Variants in C3 observed in about 807,000 individuals in gnomAD.
C3 encodes C3 and PZP-like alpha-2-macroglobulin domain-containing protein 1.
In C3, 97 loss-of-function variants were observed where a neutral mutation model predicts 207.9. That is an observed-to-expected ratio of 0.47 (90% CI 0.40 to 0.55). The LOEUF (loss-of-function observed/expected upper bound fraction) is 0.55. Ranked by LOEUF, C3 falls within the 20% of genes least tolerant of loss-of-function variation. The pLI is 0.00. For synonymous variants in C3, 848 were observed against 857.6 expected, an observed-to-expected ratio of 0.99 and a Z score of 0.20; for missense variants, 1,684 against 2,171.7, an observed-to-expected ratio of 0.78 and a Z score of 4.46.
Position 6,682,221 on chromosome 19 carries a change from C to T in C3, c.4181G>A (p.Gly1394Glu). The T allele has an allele frequency of 1.2e-6, 2 of 1,613,298 alleles. No homozygotes were observed. The highest frequency in any genetic ancestry group is 1.7e-6 in the Non-Finnish European group (2 of 1,179,198). Residue 1394 changes from glycine to glutamate, a missense_variant, in exon 34 of 41, where the codon GGA (glycine) becomes GAA (glutamate). Coordinates refer to ENST00000245907, the MANE Select transcript of C3 (RefSeq NM_000064.4). ...MILEICTRYR[G>E]DQDATMSILD... Reference sequence around the variant, plus strand: ...TATAGACATAGTGGCATCCTGGTCTCCCCGGTACCTGGATAGTGCAGAAAG... The same window carrying T: ...TATAGACATAGTGGCATCCTGGTCTTCCCGGTACCTGGATAGTGCAGAAAG...
Position 6,713,360 on chromosome 19 carries a change from GT to G in C3, c.876+46del, listed in dbSNP as rs780539153. 5.6e-6 allele frequency: 9 copies of G among 1,613,840 alleles called. No individual in the cohort carries two copies. The South Asian group carries it at 8.8e-5, about 16-fold the overall frequency. On this transcript the variant is annotated intron_variant, in intron 8 of 40. Transcript: ENST00000245907. ...CTCAGAGAGGGGAGCGGGCTCAGAG[GT>G]GGCGGGGACTGGGGCAGGGATCAAA...
chr19:6,682,190 G>A lies in C3; in HGVS notation c.4212C>T (p.Asp1404=). The A allele has an allele frequency of 6.2e-7, 1 of 1,614,032 alleles. No individual in the cohort carries two copies. The highest frequency in any genetic ancestry group is 1.1e-5 in the South Asian group (1 of 91,086). Residue 1404 remains aspartate, a synonymous_variant, in exon 34 of 41, where the codon GAC becomes GAT. Transcript: ENST00000245907. ...GDQDATMSIL[D]ISMMTGFAPD... ...GAGCAAAGCCAGTCATCATGGATAT[G>A]TCCAATATAGACATAGTGGCATCCT...
chr19:6,714,073 C>T lies in C3; in HGVS notation c.692G>A (p.Ser231Asn), dbSNP rs1397744538. Residue 231 changes from serine (S) to asparagine (N), a missense_variant, in exon 7 of 41, where the codon AGT becomes AAT. Ser to Asn is a conservative substitution (Grantham distance 46). Around this residue, in one of 3 missense-constraint regions of C3, gnomAD observed 1,280 missense variants for 1,739.1 expected, o/e 0.74. Coordinates refer to ENST00000245907, the MANE Select transcript of C3 (RefSeq NM_000064.4). Reference protein sequence around the residue: ...EFEVKEYVLPSFEVIVEPTEK... With the variant: ...EFEVKEYVLPNFEVIVEPTEK... ...TGTAGGCTCCACTATGACCTCGAAACTGGGCAGCACTGGGGGAGAGATGGC... is the reference window on the plus strand; with the variant it reads ...TGTAGGCTCCACTATGACCTCGAAATTGGGCAGCACTGGGGGAGAGATGGC... 2.5e-6 allele frequency: 4 copies of T among 1,612,668 alleles called. No homozygotes were observed. In the East Asian group the frequency reaches 8.9e-5, roughly 36 times the overall value.
Position 6,714,361 on chromosome 19 carries a change from TC to T in C3, c.589del (p.Glu197AsnfsTer28). ...GVLPLSWDIP[E>X]LVNMGQWKIR... ...CAAGAACCTGACATACTTGACGAGT[TC>T]CGGAATGTCCCAAGACAAGGGCAAG... On this transcript the variant is annotated frameshift_variant, in exon 5 of 41. Transcript: ENST00000245907. LOFTEE classifies it high-confidence loss of function. 6.2e-7 allele frequency: 1 copy of T among 1,613,732 alleles called. No homozygotes were observed. The highest frequency in any genetic ancestry group is 1.1e-5 in the South Asian group (1 of 91,080).
At chr19:6,682,719 C>T in intron 33 of C3, 1 of 197,144 alleles carries the variant, frequency 5.1e-6, no homozygotes, top group Admixed American at 5.3e-5. Context: ...GGGCCAATTA[C>T]TGTCACTCCT....
At chr19:6,715,905 G>T (rs1968024582) in intron 4 of C3, among the ~76,000 whole-genome samples, 1 of 152,100 alleles carries the variant, frequency 6.6e-6, no homozygotes, top group Non-Finnish European at 1.5e-5. Flanking sequence ...GATTATAGGA[G>T]TGAGCCACTG....
In C3 at chr19:6,711,067, G is replaced by A. The variant is rs1191653959; in HGVS notation, c.1399C>T (p.Pro467Ser). 3 of 1,614,176 alleles carry A rather than the reference G, an allele frequency of 1.9e-6. No individual in the cohort carries two copies. The highest frequency in any genetic ancestry group is 1.7e-5 in the Admixed American group (1 of 60,022). Residue 467 changes from proline to serine, a missense_variant, in exon 12 of 41, where the codon CCC becomes TCC. Around this residue, in one of 3 missense-constraint regions of C3, gnomAD observed 1,280 missense variants for 1,739.1 expected, o/e 0.74. Coordinates refer to ENST00000245907, the MANE Select transcript of C3 (RefSeq NM_000064.4). ...HLSVLRTELR[P>S]GETLNVNFLL... ...AAGTTGACGTTGAGGGTCTCCCCGG[G>A]TCTGAGCTCTGTACGTAGCACTGAG... is the stretch of plus-strand genomic sequence containing the variant.
chr19:6,709,611 T>TGCCCCCCCCCCC, intron 14 of C3, 73 bp downstream of exon 14: 9 of 1,109,444 alleles, frequency 8.1e-6, no homozygotes, highest in East Asian at 5.1e-5. Context: ...CCCTCTCCAG[T>TGCCCCCCCCCCC]CCCACCCACC....
chr19:6,713,935 T>A, intron 7 of C3, 57 bp downstream of exon 7: 22 of 698,768 alleles, frequency 3.1e-5, no homozygotes, highest in Non-Finnish European at 3.7e-5. Context: ...GTCCCCCACC[T>A]GGTCTTCACC....
intron 16 of C3, 62 bp downstream of exon 16, chr19:6,707,403 CG>C: frequency 6.2e-7 from 1 of 1,604,670 alleles, no homozygotes; most frequent in East Asian, 2.2e-5. Flanking sequence ...GGCTCCTGCA[CG>C]GCCGGGCTGG....
At chr19:6,679,568 A>G (rs1483591278) in intron 36 of C3, 72 bp from the exon 37 acceptor site, 1 of 1,019,016 alleles carries the variant, frequency 9.8e-7, no homozygotes, top group East Asian at 2.4e-5. Flanking sequence ...GGAGGCCCAG[A>G]TCCCCAGTTC....
Position 6,690,704 on chromosome 19 carries a change from C to T in C3, c.3414G>A (p.Glu1138=), listed in dbSNP as rs755415878. 15 of 1,614,240 alleles carry T rather than the reference C, an allele frequency of 9.3e-6. No homozygotes were observed. Among genetic ancestry groups the T allele is most frequent in the African/African-American group, 1.3e-5 (1 of 75,072 alleles). ...EMIGGLRNNN[E]KDMALTAFVL... ...CAAAGGCCGTGAGGGCCATGTCTTT[C>T]TCGTTGTTGTTCCGTAATCCACCCT... Residue 1138 remains glutamate, a synonymous_variant, in exon 27 of 41, where the codon GAG becomes GAA. Transcript: ENST00000245907.
Position 6,689,340 on chromosome 19 carries a change from C to CT in C3, c.3489+1288_3489+1289insA, listed in dbSNP as rs1568213476. ...CTCTCTCTACCTACCTCCCTCCCTC[C>CT]CTCCCTCCCTCCCTCCCTCCCTCTC... is the stretch of plus-strand genomic sequence containing the variant. On this transcript the variant is annotated intron_variant, in intron 27 of 40. Transcript: ENST00000245907. Among the ~76,000 whole-genome samples the CT allele has an allele frequency of 5.9e-4, 30 of 50,752 alleles. 3 individuals are homozygous for CT. The highest frequency in any genetic ancestry group is 3.0e-3 in the African/African-American group (29 of 9,624). The allele number at this position is 50,752 out of a possible 152,430, so 33.3% of individuals were successfully genotyped here.
intron 25 of C3, 130 bp from the exon 26 acceptor site, chr19:6,693,213 G>A: frequency 8.3e-7 from 1 of 1,209,418 alleles, no homozygotes; most frequent in Non-Finnish European, 1.2e-6. Context: ...CAGGCCCCAG[G>A]ACCCAGCTGT....
chr19:6,686,465 C>CT, intron 28 of C3, 178 bp from the exon 29 acceptor site: 1 of 734,622 alleles, frequency 1.4e-6, no homozygotes, highest in Non-Finnish European at 2.4e-6. Flanking sequence ...TCAACTCTCA[C>CT]TTCTCCCTTT....
Position 6,692,779 on chromosome 19 carries a change from A to T in C3, c.3390+145T>A, listed in dbSNP as rs438703. The T allele has an allele frequency of 0.14, 137,907 of 993,856 alleles. 10,923 individuals are homozygous for T. Among genetic ancestry groups the T allele is most frequent in the African/African-American group, 0.3 (18,623 of 62,794 alleles). The allele number at this position is 993,856 out of a possible 1,614,324, so 61.6% of individuals were successfully genotyped here. A position where few individuals can be genotyped will look rare whatever the true frequency, so the allele number is the denominator to read the frequency against. The stretch of plus-strand genomic sequence containing the variant: ...TGCTGGAGTGACGCCTCTGGCTCAT[A>T]TATCTGCCTGCCCCCACCCCCCAGC... On this transcript the variant is annotated intron_variant, in intron 26 of 40. Coordinates refer to ENST00000245907, the MANE Select transcript of C3 (RefSeq NM_000064.4).
intron 4 of C3, among the ~76,000 whole-genome samples, chr19:6,715,487 TAATGAATG>T (rs563764188): frequency 2.0e-5 from 3 of 151,642 alleles, no homozygotes; most frequent in Non-Finnish European, 1.5e-5. Context: ...AAAATAATAA[TAATGAATG>T]AATGAATGAA....
intron 27 of C3, among the ~76,000 whole-genome samples, 178 bp from the exon 28 acceptor site, chr19:6,687,080 G>C (rs1217344128): frequency 2.0e-5 from 3 of 152,174 alleles, no homozygotes; most frequent in Admixed American, 6.5e-5. Flanking sequence ...CTGCCTTGTT[G>C]CTGCATATCT....
intron 33 of C3, chr19:6,682,479 A>G: frequency 2.1e-6 from 1 of 481,882 alleles, no homozygotes; most frequent in South Asian, 2.1e-5. Context: ...TCTAAATAAC[A>G]TTGGATGCAT....
Sources: allele counts gnomAD v4.1 joint callset (sites outside exome capture counted in the v4.1 genomes callset), GRCh38; gene constraint gnomAD v4.1.1; regional missense constraint gnomAD v4.1.1; transcripts MANE v1.5; gene names NCBI Gene and HGNC (gene_info 2026-07-23, HGNC 2026-07-21).